LRRTM4: variants seen among roughly 807,000 people sequenced by gnomAD.
LRRTM4 encodes leucine rich repeat transmembrane neuronal 4, also known as leucine-rich repeat transmembrane neuronal protein 4.
Under a neutral mutation model 47.6 loss-of-function variants are expected in LRRTM4, and 25 were observed. The ratio of observed to expected loss-of-function variants is 0.53; its 90% CI spans 0.38 to 0.73. The LOEUF (loss-of-function observed/expected upper bound fraction) is 0.73, where lower values mean the gene tolerates loss of function less well. Among genes scored for constraint, LRRTM4 ranks in the 30% least tolerant of loss-of-function variants. The probability of loss-of-function intolerance (pLI) is 0.00; values close to 1 mark genes in which losing one functional copy is unlikely to be tolerated. For missense variants in LRRTM4, 638 were observed against 713.4 expected (o/e 0.89, Z 1.20); for synonymous variants, 311 against 269.5 (o/e 1.15, Z -1.51).
intron 3 of LRRTM4, among the ~76,000 whole-genome samples, chr2:76,998,348 G>T (rs771944704): frequency 6.6e-6 from 1 of 152,032 alleles, no homozygotes; most frequent in Non-Finnish European, 1.5e-5. Context: ...GAGGGATTTG[G>T]ATCATACTCA....
At chr2:77,350,291 A>T (rs1573294491) in intron 3 of LRRTM4, among the ~76,000 whole-genome samples, 1 of 126,518 alleles carries the variant, frequency 7.9e-6, no homozygotes, top group East Asian at 2.7e-4. Flanking sequence ...GCGCCACTGC[A>T]GTCCGCAGTC....
At chr2:76,941,206 T>C (rs1363426320) in intron 3 of LRRTM4, among the ~76,000 whole-genome samples, 1 of 152,336 alleles carries the variant, frequency 6.6e-6, no homozygotes, top group East Asian at 1.9e-4. Flanking sequence ...AGCCATATCA[T>C]CAGCAGTCTT....
At chr2:76,847,345 T>C (rs1376032124) in intron 3 of LRRTM4, among the ~76,000 whole-genome samples, 2 of 152,278 alleles carry the variant, frequency 1.3e-5, no homozygotes, top group East Asian at 1.9e-4. Context: ...ATTATGATTA[T>C]AGTATTTAAA....
chr2:77,471,820 A>G (rs1218488193), intron 3 of LRRTM4, among the ~76,000 whole-genome samples: 1 of 152,118 alleles, frequency 6.6e-6, no homozygotes, highest in Non-Finnish European at 1.5e-5. Context: ...TATTTTTCTC[A>G]ATGATGCTTT....
intron 3 of LRRTM4, among the ~76,000 whole-genome samples, chr2:77,076,319 T>C (rs1371850903): frequency 6.6e-6 from 1 of 152,196 alleles, no homozygotes; most frequent in Non-Finnish European, 1.5e-5. Context: ...CAGGCTGCAA[T>C]GTATTTGCAT....
chr2:76,853,361 C>A (rs1672055274), intron 3 of LRRTM4, among the ~76,000 whole-genome samples: 1 of 151,936 alleles, frequency 6.6e-6, no homozygotes, highest in South Asian at 2.1e-4. Context: ...TTTTTCTTTT[C>A]TTTTTAAATA....
chr2:76,820,486 T>C (rs986477379), intron 3 of LRRTM4, among the ~76,000 whole-genome samples: 4 of 151,868 alleles, frequency 2.6e-5, no homozygotes, highest in Middle Eastern at 3.4e-3. Context: ...GAATCTAAGA[T>C]AAATCACTGT....
At chr2:77,013,729 A>T (rs1677957743) in intron 3 of LRRTM4, among the ~76,000 whole-genome samples, 1 of 152,200 alleles carries the variant, frequency 6.6e-6, no homozygotes. Context: ...TCTTGGACAG[A>T]AGAACTGGAA....
chr2:76,974,171 TAC>T (rs537474338), intron 3 of LRRTM4, among the ~76,000 whole-genome samples: 106 of 80,648 alleles, frequency 1.3e-3, no homozygotes, highest in African/African-American at 7.6e-3. Flanking sequence ...TATATATACA[TAC>T]ATATATATAC....
chr2:77,280,725 G>C lies in LRRTM4; in HGVS notation c.1551+237593C>G, dbSNP rs570979381. Reference sequence around the variant, plus strand: ...GTGTATAAGATTTCATAGACTATGAGAATTAAGAATGTTGGAGCATACATG... The same window carrying C: ...GTGTATAAGATTTCATAGACTATGACAATTAAGAATGTTGGAGCATACATG... On this transcript the variant is annotated intron_variant, in intron 3 of 3. Transcript: ENST00000409884. Among the ~76,000 whole-genome samples, 47 of 152,076 alleles carry C rather than the reference G, an allele frequency of 3.1e-4. No individual in the cohort carries two copies. The South Asian group carries it at 9.1e-3, about 30-fold the overall frequency.
At chr2:77,335,533 T>C (rs988682639) in intron 3 of LRRTM4, among the ~76,000 whole-genome samples, 5 of 152,194 alleles carry the variant, frequency 3.3e-5, no homozygotes, top group Admixed American at 3.3e-4. Flanking sequence ...GGCCCATGTG[T>C]ATCTTACTAT....
rs529917836 is a variant in LRRTM4 at position 77,007,064 on chromosome 2, T to TA, written c.1552-258149dup. On this transcript the variant is annotated intron_variant, in intron 3 of 3. Transcript: ENST00000409884. ...TCTTTATTGTATGAACAGTTTGAGTTAAAAAAAAAGATTAAATTTTAACTT... is the reference window on the plus strand; with the variant it reads ...TCTTTATTGTATGAACAGTTTGAGTTAAAAAAAAAAGATTAAATTTTAACTT... Among the ~76,000 whole-genome samples, 716 of 150,468 alleles carry TA rather than the reference T, an allele frequency of 4.8e-3. 7 individuals carry two copies. Among genetic ancestry groups the TA allele is most frequent in the Middle Eastern group, 0.017 (5 of 294 alleles).
chr2:77,512,138 A>G (rs982937516), intron 3 of LRRTM4, among the ~76,000 whole-genome samples: 3 of 151,950 alleles, frequency 2.0e-5, no homozygotes, highest in Non-Finnish European at 4.4e-5. Flanking sequence ...TAAAGGACTA[A>G]TTTTCCATGG....
chr2:77,220,680 A>C (rs1674594150), intron 3 of LRRTM4, among the ~76,000 whole-genome samples: 1 of 152,216 alleles, frequency 6.6e-6, no homozygotes, highest in African/African-American at 2.4e-5. Flanking sequence ...AAATCAACAA[A>C]GCCTCCAAGA....
At chr2:76,805,274 C>T (rs1325805647) in intron 3 of LRRTM4, among the ~76,000 whole-genome samples, 2 of 152,042 alleles carry the variant, frequency 1.3e-5, no homozygotes, top group African/African-American at 2.4e-5. Flanking sequence ...GGGAAAGGTA[C>T]ATTTACTTAT....
At chr2:77,048,020 G>T (rs116255875) in intron 3 of LRRTM4, among the ~76,000 whole-genome samples, 2,280 of 151,950 alleles carry the variant, frequency 0.015, 68 homozygotes, top group African/African-American at 0.053. Flanking sequence ...ATATCTAGAT[G>T]CAAAGACATT....
intron 3 of LRRTM4, among the ~76,000 whole-genome samples, chr2:76,889,211 C>A (rs759393420): frequency 6.6e-6 from 1 of 151,830 alleles, no homozygotes; most frequent in East Asian, 1.9e-4. Flanking sequence ...TTATCTTGAT[C>A]GCCATTTTAC....
chr2:77,030,078 CAATA>C (rs757836344), intron 3 of LRRTM4, among the ~76,000 whole-genome samples: 250 of 152,162 alleles, frequency 1.6e-3, no homozygotes, highest in Admixed American at 3.3e-3. Context: ...TCATGTGAAA[CAATA>C]AAAACTTTTA....
chr2:76,989,940 G>C (rs1341875757), intron 3 of LRRTM4: 1 of 151,612 alleles, frequency 6.6e-6, no homozygotes, highest in Non-Finnish European at 1.5e-5. Context: ...AGTAACTGCT[G>C]GCTATTTACT....
Sources: allele counts gnomAD v4.1 joint callset (sites outside exome capture counted in the v4.1 genomes callset), GRCh38; gene constraint gnomAD v4.1.1; transcripts MANE v1.5; gene names NCBI Gene and HGNC (gene_info 2026-07-23, HGNC 2026-07-21).